The following HHAT variants were observed in gnomAD, a reference collection of about 807,000 sequenced individuals.
HHAT encodes the protein hedgehog acyltransferase, also known as protein-cysteine N-palmitoyltransferase HHAT.
In HHAT, 47 loss-of-function variants were observed where a neutral mutation model predicts 70.8. The observed-to-expected ratio is 0.66, with a 90% confidence interval of 0.53 to 0.85. HHAT has a LOEUF of 0.85. Among genes scored for constraint, HHAT ranks in the 40% least tolerant of loss-of-function variants. The pLI, the probability that HHAT is intolerant of heterozygous loss-of-function variation, is 0.00. For missense variants in HHAT, 609 were observed against 604.8 expected (o/e 1.01, Z -0.07); for synonymous variants, 228 against 247.6 (o/e 0.92, Z 0.74).
At chr1:210,593,979 AT>A (rs1262465140) in intron 10 of HHAT, among the ~76,000 whole-genome samples, 3 of 152,090 alleles carry the variant, frequency 2.0e-5, no homozygotes, top group Non-Finnish European at 2.9e-5. Flanking sequence ...TGATTTAAGT[AT>A]AGCTGCTGAT....
chr1:210,332,133 A>G (rs1445437707), intron 1 of HHAT, among the ~76,000 whole-genome samples: 4 of 152,224 alleles, frequency 2.6e-5, no homozygotes, highest in Non-Finnish European at 4.4e-5. Context: ...ACACTTCTCT[A>G]TGGATGTCAC....
chr1:210,348,736 CGTGTGTGTGT>C (rs71303046), intron 1 of HHAT, among the ~76,000 whole-genome samples, 187 bp from the exon 2 acceptor site: 3 of 147,938 alleles, frequency 2.0e-5, no homozygotes, highest in African/African-American at 5.0e-5. Flanking sequence ...TGTATGTGTG[CGTGTGTGTGT>C]GTGTGTGTGT....
At chr1:210,362,651 G>A (rs1476181627) in intron 2 of HHAT, among the ~76,000 whole-genome samples, 1 of 152,208 alleles carries the variant, frequency 6.6e-6, no homozygotes, top group East Asian at 1.9e-4. Flanking sequence ...GTTTCCATCA[G>A]TGGCTCTACA....
chr1:210,472,025 T>C (rs2094214137), intron 8 of HHAT, among the ~76,000 whole-genome samples: 1 of 152,210 alleles, frequency 6.6e-6, no homozygotes, highest in South Asian at 2.1e-4. Flanking sequence ...CTAATTCATC[T>C]AAAATATTCA....
chr1:210,674,902 A>G lies in HHAT; in HGVS notation c.*523A>G, dbSNP rs538772085. 507 of 152,918 alleles carry G rather than the reference A, an allele frequency of 3.3e-3. 1 individual carries two copies. The highest frequency in any genetic ancestry group is 5.1e-3 in the Non-Finnish European group (348 of 68,470). The allele number at this position is 152,918 out of a possible 1,614,324, so 9.5% of individuals were successfully genotyped here. On this transcript the variant is annotated 3_prime_UTR_variant, in exon 12 of 12. Coordinates refer to ENST00000261458, the MANE Select transcript of HHAT (RefSeq NM_018194.6). ...TTCATGCTTCAGCCCCTCTGTAGGA[A>G]TGAGACCAAGCCACAGCTGTCTTTT...
chr1:210,498,774 CTT>C (rs36053258), intron 8 of HHAT, among the ~76,000 whole-genome samples: 47 of 119,854 alleles, frequency 3.9e-4, no homozygotes, highest in Middle Eastern at 4.5e-3. Flanking sequence ...TTTTTTTTTT[CTT>C]TTTTTTTTTT....
chr1:210,632,857 A>ATCT (rs1253542956), intron 11 of HHAT, among the ~76,000 whole-genome samples: 3 of 152,304 alleles, frequency 2.0e-5, no homozygotes, highest in Non-Finnish European at 4.4e-5. Flanking sequence ...ATAGACATGC[A>ATCT]CAGAGGAAGA....
intron 10 of HHAT, 32 bp downstream of exon 10, chr1:210,588,131 A>ACTAGG (rs1660892280): frequency 6.5e-7 from 1 of 1,530,552 alleles, no homozygotes; most frequent in South Asian, 1.2e-5. Context: ...GTGTTAGGGG[A>ACTAGG]CAGTGGAACT....
At chr1:210,574,182 G>A (rs149560623) in intron 9 of HHAT, among the ~76,000 whole-genome samples, 7 of 152,280 alleles carry the variant, frequency 4.6e-5, no homozygotes, top group Non-Finnish European at 1.0e-4. Flanking sequence ...TCTTAAAGAG[G>A]TAAAGAATCA....
Position 210,607,705 on chromosome 1 carries a change from G to T in HHAT, c.1246-15821G>T, listed in dbSNP as rs1421918460. On this transcript the variant is annotated intron_variant, in intron 10 of 11. Coordinates refer to ENST00000261458, the MANE Select transcript of HHAT (RefSeq NM_018194.6). Reference sequence around the variant, plus strand: ...GATGGCCAGGGTCTAGGGTCATTTAGTGGAAAGATTCCTAGGTTTTCTTTT... The same window carrying T: ...GATGGCCAGGGTCTAGGGTCATTTATTGGAAAGATTCCTAGGTTTTCTTTT... Among the ~76,000 whole-genome samples, 3 of 152,084 alleles carry T rather than the reference G, an allele frequency of 2.0e-5. No homozygotes were observed. In the East Asian group the frequency reaches 5.8e-4, roughly 29 times the overall value.
chr1:210,342,533 T>C (rs550727993), intron 1 of HHAT, among the ~76,000 whole-genome samples: 11 of 152,220 alleles, frequency 7.2e-5, no homozygotes, highest in Non-Finnish European at 1.3e-4. Flanking sequence ...AAACACAGGC[T>C]GTGTCCCTAT....
chr1:210,422,827 G>C (rs1420556981), intron 7 of HHAT, among the ~76,000 whole-genome samples: 1 of 151,986 alleles, frequency 6.6e-6, no homozygotes, highest in Non-Finnish European at 1.5e-5. Context: ...AGTAGAGACG[G>C]GGTTTCACCA....
At chr1:210,412,058 G>T (rs2092576162) in intron 6 of HHAT, among the ~76,000 whole-genome samples, 1 of 152,168 alleles carries the variant, frequency 6.6e-6, no homozygotes, top group Non-Finnish European at 1.5e-5. Context: ...TTCACAGGAT[G>T]GTACCTGTCA....
intron 2 of HHAT, among the ~76,000 whole-genome samples, chr1:210,354,728 C>T (rs188939207): frequency 2.6e-5 from 4 of 151,974 alleles, no homozygotes; most frequent in African/African-American, 4.8e-5. Flanking sequence ...AATACTGTGC[C>T]GTTTTAATTA....
chr1:210,512,235 G>T (rs941297367), intron 8 of HHAT, among the ~76,000 whole-genome samples: 2 of 152,128 alleles, frequency 1.3e-5, no homozygotes, highest in Admixed American at 1.3e-4. Context: ...GGACAGGGTT[G>T]TTCTCTCAGG....
intron 8 of HHAT, among the ~76,000 whole-genome samples, chr1:210,502,383 C>CACAAA (rs1553248486): frequency 2.3e-5 from 2 of 87,032 alleles, no homozygotes; most frequent in African/African-American, 8.5e-5. Context: ...GACTCAGTCT[C>CACAAA]AAAAAAAAAA....
At chr1:210,410,040 CA>C (rs1158185861) in intron 6 of HHAT, among the ~76,000 whole-genome samples, 1 of 148,780 alleles carries the variant, frequency 6.7e-6, no homozygotes, top group Non-Finnish European at 1.5e-5. Flanking sequence ...GCTGGGTTGA[CA>C]AGGGACAAAT....
chr1:210,487,060 C>T (rs998539551), intron 8 of HHAT, among the ~76,000 whole-genome samples: 3 of 152,158 alleles, frequency 2.0e-5, no homozygotes, highest in Admixed American at 2.0e-4. Flanking sequence ...TCAGATTTCA[C>T]TCCTAAGATG....
At chr1:210,491,948 A>G (rs1273195293) in intron 8 of HHAT, among the ~76,000 whole-genome samples, 1 of 152,142 alleles carries the variant, frequency 6.6e-6, no homozygotes, top group Non-Finnish European at 1.5e-5. Flanking sequence ...TTTTTAGTAG[A>G]GACAGGATTT....
Sources: gnomAD v4.1 joint callset for allele counts (sites outside exome capture counted in the v4.1 genomes callset) on GRCh38, gnomAD v4.1.1 for gene constraint, MANE v1.5 for transcripts, NCBI Gene and HGNC (gene_info 2026-07-23, HGNC 2026-07-21) for gene names.